GLI3: variants seen among roughly 807,000 people sequenced by gnomAD.
The protein encoded by GLI3 is transcription activator GLI3.
In GLI3, 20 loss-of-function variants were observed where a neutral mutation model predicts 100.8. The observed-to-expected ratio is 0.20, with a 90% CI of 0.14 to 0.29. The LOEUF (loss-of-function observed/expected upper bound fraction) is 0.29. GLI3 is among the 10% of genes least tolerant of loss of function. The probability of loss-of-function intolerance (pLI) is 1.00; values close to 1 mark genes in which losing one functional copy is unlikely to be tolerated. For synonymous variants in GLI3, 938 were observed against 860.5 expected (o/e 1.09, Z -1.58); for missense variants, 2,040 against 2,128.5 (o/e 0.96, Z 0.82).
intron 4 of GLI3, among the ~76,000 whole-genome samples, chr7:42,051,690 T>C (rs999333197): frequency 1.3e-5 from 2 of 152,222 alleles, no homozygotes; most frequent in African/African-American, 4.8e-5. Flanking sequence ...AGACTTTGTT[T>C]AGAGCAATTT....
chr7:41,965,980 G>A lies in GLI3; in HGVS notation c.3093C>T (p.Asn1031=). Residue 1031 remains asparagine, a synonymous_variant, in exon 15 of 15, where the codon AAC becomes AAT. Coordinates refer to ENST00000395925, the MANE Select transcript of GLI3 (RefSeq NM_000168.6). ...VPRFSSLSSC[N]PPAMATSAEK... ...CCGCGGACGTGGCCATCGCCGGGGGGTTGCAGCTGCTGAGGCTGCTGAAGC... is the reference window on the plus strand; with the variant it reads ...CCGCGGACGTGGCCATCGCCGGGGGATTGCAGCTGCTGAGGCTGCTGAAGC... The A allele has an allele frequency of 6.2e-7, 1 of 1,606,728 alleles. No homozygotes were observed. The highest frequency in any genetic ancestry group is 8.5e-7 in the Non-Finnish European group (1 of 1,179,442).
chr7:42,125,738 T>C (rs180837241), intron 3 of GLI3, among the ~76,000 whole-genome samples: 1 of 152,186 alleles, frequency 6.6e-6, no homozygotes, highest in Non-Finnish European at 1.5e-5. Context: ...AATACAGAGC[T>C]GTCCTCAGGA....
intron 4 of GLI3, among the ~76,000 whole-genome samples, chr7:42,049,318 A>G (rs1239626056): frequency 1.3e-5 from 2 of 152,184 alleles, no homozygotes; most frequent in African/African-American, 2.4e-5. Context: ...TTAACTTCCC[A>G]GGGCCTCGCA....
At chr7:42,234,346 T>C (rs1788748589) in intron 1 of GLI3, among the ~76,000 whole-genome samples, 1 of 152,180 alleles carries the variant, frequency 6.6e-6, no homozygotes, top group Non-Finnish European at 1.5e-5. Context: ...GACCTCTAAA[T>C]GGCTAAGCAC....
chr7:41,967,089 T>C (rs879655503), intron 14 of GLI3, among the ~76,000 whole-genome samples: 1 of 152,238 alleles, frequency 6.6e-6, no homozygotes, highest in Non-Finnish European at 1.5e-5. Flanking sequence ...GTCCTGTTCA[T>C]GCCACATCCT....
intron 2 of GLI3, among the ~76,000 whole-genome samples, chr7:42,218,048 A>G (rs1044989044): frequency 2.0e-5 from 3 of 152,202 alleles, no homozygotes; most frequent in African/African-American, 7.2e-5. Flanking sequence ...TCGTGTTGCC[A>G]GAACTCAAAC....
At chr7:41,975,607 A>C (rs906634147) in intron 12 of GLI3, among the ~76,000 whole-genome samples, 9 of 152,236 alleles carry the variant, frequency 5.9e-5, no homozygotes, top group African/African-American at 2.2e-4. Flanking sequence ...CTTATCTTTT[A>C]ATCTTATAAC....
In GLI3 at chr7:42,188,742, A is replaced by T. The variant is rs1787768294; in HGVS notation, c.124+34388T>A. 1.3e-5 allele frequency among the ~76,000 whole-genome samples: 2 copies of T among 152,244 alleles called. 1 individual carries two copies. The highest frequency in any genetic ancestry group is 2.9e-5 in the Non-Finnish European group (2 of 68,040). ...CTAAGTGAAAGAAGGCAGTATAAAA[A>T]GTCTATGTACTATATGATTCCAAAT... On this transcript the variant is annotated intron_variant, in intron 2 of 14. Coordinates refer to ENST00000395925, the MANE Select transcript of GLI3 (RefSeq NM_000168.6).
rs1216392790 is a variant in GLI3, at chr7:42,048,508, C to T, written c.662G>A (p.Gly221Glu). The T allele has an allele frequency of 6.2e-7, 1 of 1,611,220 alleles. No homozygotes were observed. Residue 221 changes from glycine (G) to glutamate (E), a missense_variant, in exon 5 of 15, where the codon GGG becomes GAG. Around this residue, in one of 5 missense-constraint regions of GLI3, gnomAD observed 603 missense variants for 690.9 expected, o/e 0.87. Coordinates refer to ENST00000395925, the MANE Select transcript of GLI3 (RefSeq NM_000168.6). ...GGACTTACCATCTGTAGGGCTCAGCCCACGGGTTGCTGAGATCATGGAGAG... is the reference window on the plus strand; with the variant it reads ...GGACTTACCATCTGTAGGGCTCAGCTCACGGGTTGCTGAGATCATGGAGAG... ...PSLSMISATRGLSPTDAPHAG... is the reference protein window; with the variant it reads ...PSLSMISATRELSPTDAPHAG...
chr7:42,208,656 A>G (rs1418697546), intron 2 of GLI3, among the ~76,000 whole-genome samples: 4 of 152,212 alleles, frequency 2.6e-5, no homozygotes, highest in Admixed American at 2.6e-4. Context: ...ATTAGCATCA[A>G]AGAAATTTGC....
intron 13 of GLI3, among the ~76,000 whole-genome samples, chr7:41,971,353 A>C (rs556126247): frequency 1.8e-4 from 27 of 152,362 alleles, no homozygotes; most frequent in African/African-American, 5.3e-4. Flanking sequence ...TTAGAGAGTG[A>C]CAGCCCAGAA....
chr7:41,994,511 T>C (rs1788072490), intron 10 of GLI3, among the ~76,000 whole-genome samples: 1 of 152,114 alleles, frequency 6.6e-6, no homozygotes, highest in Non-Finnish European at 1.5e-5. Context: ...AATAAATAAA[T>C]AAGGGTGTGT....
At chr7:41,993,891 G>A (rs1268249646) in intron 10 of GLI3, among the ~76,000 whole-genome samples, 2 of 152,140 alleles carry the variant, frequency 1.3e-5, no homozygotes, top group Non-Finnish European at 2.9e-5. Context: ...CCACCAAGGA[G>A]GGCCTCCTTT....
At chr7:41,995,691 C>T (rs868669483) in intron 10 of GLI3, among the ~76,000 whole-genome samples, 17 of 152,012 alleles carry the variant, frequency 1.1e-4, no homozygotes, top group Non-Finnish European at 2.1e-4. Flanking sequence ...TAATTAAATG[C>T]TACAGAAAAT....
chr7:42,196,473 T>C (rs894582189), intron 2 of GLI3, among the ~76,000 whole-genome samples: 2 of 152,226 alleles, frequency 1.3e-5, no homozygotes, highest in East Asian at 3.8e-4. Flanking sequence ...AAAAGATCTT[T>C]TAAAAATCTA....
intron 4 of GLI3, among the ~76,000 whole-genome samples, chr7:42,051,347 T>A (rs1784348050): frequency 6.6e-6 from 1 of 152,194 alleles, no homozygotes; most frequent in Non-Finnish European, 1.5e-5. Flanking sequence ...ATGGGGAAGA[T>A]AACCTCGTGG....
intron 13 of GLI3, among the ~76,000 whole-genome samples, chr7:41,971,825 G>C (rs944190868): frequency 2.0e-5 from 3 of 152,158 alleles, no homozygotes; most frequent in Non-Finnish European, 2.9e-5. Flanking sequence ...CCTGTCCCAT[G>C]GCTTCCTCTG....
At chr7:42,006,426 T>G (rs1053112689) in intron 10 of GLI3, among the ~76,000 whole-genome samples, 8 of 151,936 alleles carry the variant, frequency 5.3e-5, no homozygotes, top group African/African-American at 1.9e-4. Flanking sequence ...CTCTGAGGAG[T>G]CCAAGAATTC....
chr7:42,227,657 A>T (rs78312810), intron 1 of GLI3: 6,829 of 152,232 alleles, frequency 0.045, 193 homozygotes, highest in Non-Finnish European at 0.066. Context: ...TGACCTGGTG[A>T]CGCTGTAGTG....
Sources: allele counts gnomAD v4.1 joint callset (sites outside exome capture counted in the v4.1 genomes callset), GRCh38; gene constraint gnomAD v4.1.1; regional missense constraint gnomAD v4.1.1; transcripts MANE v1.5; gene names NCBI Gene and HGNC (gene_info 2026-07-23, HGNC 2026-07-21).